Variants in CCSER1 observed in about 807,000 individuals in gnomAD.
CCSER1 encodes the protein coiled-coil serine rich protein 1.
Under a neutral mutation model 82.0 loss-of-function variants are expected in CCSER1, and 41 were observed. That is an observed-to-expected ratio of 0.50 (90% CI 0.39 to 0.65). CCSER1 has a LOEUF of 0.65. CCSER1 is among the 30% of genes least tolerant of loss of function. The probability of loss-of-function intolerance (pLI) is 0.00; values close to 1 mark genes in which losing one functional copy is unlikely to be tolerated. For missense variants in CCSER1, 1,119 were observed against 1,064.2 expected (o/e 1.05, Z -0.72); for synonymous variants, 414 against 383.9 (o/e 1.08, Z -0.92).
At chr4:90,493,052 T>G (rs1768326914) in intron 5 of CCSER1, among the ~76,000 whole-genome samples, 2 of 152,050 alleles carry the variant, frequency 1.3e-5, no homozygotes, top group Non-Finnish European at 2.9e-5. Flanking sequence ...GAATAACCAC[T>G]GTAGAGAAGT....
chr4:91,353,322 C>CAG (rs1308903824), intron 10 of CCSER1, among the ~76,000 whole-genome samples: 2 of 152,158 alleles, frequency 1.3e-5, no homozygotes, highest in African/African-American at 4.8e-5. Flanking sequence ...GGGTCCGTGA[C>CAG]GGGCTGCATG....
intron 6 of CCSER1, among the ~76,000 whole-genome samples, chr4:90,706,810 C>T (rs1580059673): frequency 1.3e-5 from 2 of 152,146 alleles, no homozygotes; most frequent in East Asian, 3.9e-4. Context: ...ATTAGCTTGT[C>T]CTGGGTATGT....
intron 8 of CCSER1, among the ~76,000 whole-genome samples, chr4:90,880,925 A>G (rs566988827): frequency 4.0e-5 from 6 of 151,894 alleles, no homozygotes; most frequent in Non-Finnish European, 7.4e-5. Context: ...ATTAGTCCCA[A>G]TGCAAGTACT....
chr4:90,239,934 T>C (rs988742187), intron 1 of CCSER1, among the ~76,000 whole-genome samples: 5 of 152,216 alleles, frequency 3.3e-5, no homozygotes, highest in African/African-American at 1.2e-4. Flanking sequence ...GTGAGTTTAA[T>C]TTAAAAATAT....
In CCSER1 at chr4:90,372,446, T is replaced by C. The variant is rs565292238; in HGVS notation, c.1510-27590T>C. Among the ~76,000 whole-genome samples, 4 of 152,174 alleles carry C rather than the reference T, an allele frequency of 2.6e-5. No individual in the cohort carries two copies. The South Asian group carries it at 8.3e-4, about 32-fold the overall frequency. ...GGAGCATGGTGTGAGAGATGTTTAGTAGATCATTTTTAAAAGCTAGATTAG... is the reference window on the plus strand; with the variant it reads ...GGAGCATGGTGTGAGAGATGTTTAGCAGATCATTTTTAAAAGCTAGATTAG... On this transcript the variant is annotated intron_variant, in intron 3 of 10. Transcript: ENST00000509176.
intron 5 of CCSER1, among the ~76,000 whole-genome samples, chr4:90,566,691 C>T (rs2153651271): frequency 6.6e-6 from 1 of 151,844 alleles, no homozygotes; most frequent in Admixed American, 6.6e-5. Flanking sequence ...CAAGGTCCGC[C>T]TCCAGGGTTC....
At chr4:90,223,478 G>T (rs1474474845) in intron 1 of CCSER1, among the ~76,000 whole-genome samples, 1 of 152,158 alleles carries the variant, frequency 6.6e-6, no homozygotes. Flanking sequence ...GTGACTGTGG[G>T]TCAGAGAAAT....
intron 5 of CCSER1, among the ~76,000 whole-genome samples, chr4:90,484,242 T>C (rs1766599711): frequency 1.3e-5 from 2 of 152,216 alleles, no homozygotes; most frequent in Non-Finnish European, 2.9e-5. Flanking sequence ...TAAGGACTTC[T>C]CTGTGTTTGT....
At chr4:90,957,355 C>T (rs1733569696) in intron 9 of CCSER1, among the ~76,000 whole-genome samples, 2 of 147,906 alleles carry the variant, frequency 1.4e-5, no homozygotes, top group African/African-American at 5.0e-5. Flanking sequence ...CTGCCTTGGC[C>T]TCCCAAAATG....
chr4:90,632,524 C>T (rs935694576), intron 6 of CCSER1, among the ~76,000 whole-genome samples: 1 of 151,940 alleles, frequency 6.6e-6, no homozygotes, highest in African/African-American at 2.4e-5. Context: ...AATACACCTG[C>T]AAAAGTGAAT....
intron 3 of CCSER1, among the ~76,000 whole-genome samples, chr4:90,354,644 T>TA (rs1445233821): frequency 6.6e-6 from 1 of 152,072 alleles, no homozygotes; most frequent in Non-Finnish European, 1.5e-5. Context: ...ACATCTGAAA[T>TA]AAAAAGAAAA....
intron 1 of CCSER1, among the ~76,000 whole-genome samples, chr4:90,183,886 T>G (rs1429350893): frequency 6.6e-6 from 1 of 152,188 alleles, no homozygotes; most frequent in African/African-American, 2.4e-5. Flanking sequence ...AGATTTTATC[T>G]ATACAATAAG....
chr4:91,457,848 C>CTATAATATGAATTAT (rs1756276752), intron 10 of CCSER1, among the ~76,000 whole-genome samples: 1 of 152,010 alleles, frequency 6.6e-6, no homozygotes, highest in African/African-American at 2.4e-5. Context: ...AGAATGGTAA[C>CTATAATATGAATTAT]ACATTAATTC....
chr4:91,494,873 A>T (rs1419131581), intron 10 of CCSER1, among the ~76,000 whole-genome samples: 1 of 151,652 alleles, frequency 6.6e-6, no homozygotes, highest in Non-Finnish European at 1.5e-5. Context: ...AAATGTCATT[A>T]ATTTTATTTT....
At chr4:90,871,852 T>C (rs1580863424) in intron 8 of CCSER1, among the ~76,000 whole-genome samples, 1 of 151,864 alleles carries the variant, frequency 6.6e-6, no homozygotes, top group South Asian at 2.1e-4. Context: ...TAGTGTTGGG[T>C]GCATATATAT....
intron 9 of CCSER1, among the ~76,000 whole-genome samples, chr4:91,025,957 T>A (rs913511573): frequency 2.0e-5 from 3 of 152,068 alleles, no homozygotes; most frequent in Non-Finnish European, 4.4e-5. Context: ...GGATGAACAA[T>A]CTGAATAACA....
chr4:90,407,893 A>AG (rs1033160515), intron 4 of CCSER1, among the ~76,000 whole-genome samples: 2 of 152,138 alleles, frequency 1.3e-5, no homozygotes, highest in Admixed American at 6.5e-5. Flanking sequence ...AGTCAAAGAA[A>AG]GGGGTGACAG....
intron 1 of CCSER1, among the ~76,000 whole-genome samples, chr4:90,177,053 A>G (rs890700475): frequency 6.6e-6 from 1 of 152,130 alleles, no homozygotes; most frequent in African/African-American, 2.4e-5. Flanking sequence ...TACCAGCAGC[A>G]TATTAAAAAA....
chr4:90,199,784 A>G (rs1187641433), intron 1 of CCSER1, among the ~76,000 whole-genome samples: 1 of 152,088 alleles, frequency 6.6e-6, no homozygotes, highest in Non-Finnish European at 1.5e-5. Context: ...ATGTATGGTA[A>G]TTTTAATAGT....
Sources: allele counts gnomAD v4.1 joint callset (sites outside exome capture counted in the v4.1 genomes callset), GRCh38; gene constraint gnomAD v4.1.1; transcripts MANE v1.5; gene names NCBI Gene and HGNC (gene_info 2026-07-23, HGNC 2026-07-21).